Variants in DLGAP2 observed in about 807,000 individuals in gnomAD.
The protein encoded by DLGAP2 is disks large-associated protein 2.
A neutral mutation model predicts 100.3 loss-of-function variants in DLGAP2; 26 were observed. The observed-to-expected ratio is 0.26, with a 90% CI of 0.19 to 0.36. DLGAP2 has a LOEUF of 0.36. Among genes scored for constraint, DLGAP2 ranks in the 10% least tolerant of loss-of-function variants. DLGAP2 has a pLI of 1.00. For missense variants in DLGAP2, 1,858 were observed against 1,453.2 expected (o/e 1.28, Z -4.53); for synonymous variants, 886 against 630.1 (o/e 1.41, Z -6.08).
At chr8:1,489,918 G>A (rs1024497069) in intron 3 of DLGAP2, among the ~76,000 whole-genome samples, 1 of 152,110 alleles carries the variant, frequency 6.6e-6, no homozygotes, top group South Asian at 2.1e-4. Context: ...TTAAGATGGA[G>A]TCTCACTCTG....
At chr8:1,468,072 G>A (rs1355914822) in intron 3 of DLGAP2, among the ~76,000 whole-genome samples, 1 of 152,236 alleles carries the variant, frequency 6.6e-6, no homozygotes, top group Non-Finnish European at 1.5e-5. Flanking sequence ...CCTGTACAGA[G>A]ACACTTTCAG....
At chr8:1,192,659 G>GT (rs1434248738) in intron 2 of DLGAP2, among the ~76,000 whole-genome samples, 1 of 132,186 alleles carries the variant, frequency 7.6e-6, no homozygotes, top group Admixed American at 7.3e-5. Context: ...TATGTATCTG[G>GT]TTTCTTTTTT....
intron 2 of DLGAP2, among the ~76,000 whole-genome samples, chr8:1,084,195 A>T (rs1276298241): frequency 4.6e-5 from 7 of 152,228 alleles, no homozygotes; most frequent in African/African-American, 7.2e-5. Flanking sequence ...TAGTCTGTCA[A>T]ACTACCAAGA....
chr8:1,284,907 T>C (rs933596952), intron 3 of DLGAP2, among the ~76,000 whole-genome samples: 6 of 152,348 alleles, frequency 3.9e-5, no homozygotes, highest in African/African-American at 1.4e-4. Flanking sequence ...ATTCTTGACC[T>C]TCTGTGTTCC....
intron 3 of DLGAP2, among the ~76,000 whole-genome samples, chr8:1,308,478 A>G (rs1422715226): frequency 6.6e-6 from 1 of 152,194 alleles, no homozygotes; most frequent in Non-Finnish European, 1.5e-5. Context: ...AAGACATATA[A>G]AAAACAGGAA....
chr8:1,365,129 C>T (rs559747706), intron 3 of DLGAP2, among the ~76,000 whole-genome samples: 23 of 152,260 alleles, frequency 1.5e-4, no homozygotes, highest in African/African-American at 4.8e-4. Context: ...AGGTCAGGGG[C>T]CTGCAGTCAA....
chr8:1,041,798 C>T (rs1802359749), intron 2 of DLGAP2, among the ~76,000 whole-genome samples: 2 of 151,888 alleles, frequency 1.3e-5, no homozygotes, highest in Admixed American at 6.5e-5. Context: ...CTCCGAGCCC[C>T]TTGTCGTGGG....
intron 2 of DLGAP2, among the ~76,000 whole-genome samples, chr8:1,224,566 C>A (rs1798377744): frequency 6.6e-6 from 1 of 151,984 alleles, no homozygotes; most frequent in African/African-American, 2.4e-5. Flanking sequence ...GAAACTGTAA[C>A]TTTATTATTT....
intron 2 of DLGAP2, among the ~76,000 whole-genome samples, chr8:1,233,729 A>T (rs1304439103): frequency 1.3e-5 from 2 of 152,170 alleles, no homozygotes; most frequent in African/African-American, 4.8e-5. Flanking sequence ...TTTCTGGGAA[A>T]CACGCAGGGC....
chr8:947,695 G>A (rs1270238130), intron 2 of DLGAP2, among the ~76,000 whole-genome samples: 1 of 152,194 alleles, frequency 6.6e-6, no homozygotes, highest in Non-Finnish European at 1.5e-5. Flanking sequence ...CCTGCCCACG[G>A]CTCCGGGAAG....
Position 1,255,906 on chromosome 8 carries a change from TCTC to T in DLGAP2, c.74-2942_74-2940del, listed in dbSNP as rs112582085. 3.3e-5 allele frequency among the ~76,000 whole-genome samples: 4 copies of T among 122,644 alleles called. 1 individual carries two copies. Among genetic ancestry groups the T allele is most frequent in the African/African-American group, 1.1e-4 (3 of 26,324 alleles). 80.5% of individuals were successfully genotyped at this position (122,644 alleles called of 152,430 possible). A position where few individuals can be genotyped will look rare whatever the true frequency, so the allele number is the denominator to read the frequency against. ...CTGCCTGGGTGCTATGTGTGTGTCT[TCTC>T]CTGCCCAGGTGCTGTGTGTGTGTCC... On this transcript the variant is annotated intron_variant, in intron 2 of 14. Coordinates refer to ENST00000637795, the MANE Select transcript of DLGAP2 (RefSeq NM_001346810.2).
chr8:802,100 T>C (rs74838573), intron 1 of DLGAP2, among the ~76,000 whole-genome samples: 2,284 of 36,222 alleles, frequency 0.063, no homozygotes, highest in South Asian at 0.11. Context: ...GCCTGGGGAA[T>C]GGTCCACACA....
At chr8:1,545,839 C>T (rs190398739) in intron 4 of DLGAP2, among the ~76,000 whole-genome samples, 72 of 152,234 alleles carry the variant, frequency 4.7e-4, no homozygotes, top group African/African-American at 1.4e-3. Flanking sequence ...TATGAAGCCA[C>T]ATTCATAACA....
intron 2 of DLGAP2, among the ~76,000 whole-genome samples, chr8:995,492 G>A (rs931474786): frequency 2.6e-5 from 4 of 152,166 alleles, no homozygotes; most frequent in Non-Finnish European, 5.9e-5. Flanking sequence ...CTTATAGTTT[G>A]CATTGCTGGA....
intron 3 of DLGAP2, among the ~76,000 whole-genome samples, chr8:1,304,911 A>G (rs1428018430): frequency 2.0e-5 from 3 of 152,256 alleles, no homozygotes; most frequent in Admixed American, 2.0e-4. Flanking sequence ...ATCATCTGTC[A>G]TTCATGCATA....
At chr8:1,270,822 A>G (rs1350790220) in intron 3 of DLGAP2, among the ~76,000 whole-genome samples, 3 of 144,750 alleles carry the variant, frequency 2.1e-5, no homozygotes, top group East Asian at 2.0e-4. Context: ...GTGTGTGTCT[A>G]CCTCTCTGTG....
chr8:886,266 T>A (rs188683420), intron 1 of DLGAP2, among the ~76,000 whole-genome samples: 22 of 152,362 alleles, frequency 1.4e-4, no homozygotes, highest in African/African-American at 5.0e-4. Context: ...TTCTTCTCTC[T>A]CTTTTTCTTT....
intron 2 of DLGAP2, among the ~76,000 whole-genome samples, chr8:1,037,122 T>C (rs1407766520): frequency 6.6e-6 from 1 of 152,022 alleles, no homozygotes; most frequent in Non-Finnish European, 1.5e-5. Flanking sequence ...CATGGTCACG[T>C]AGAGAGAGAG....
intron 1 of DLGAP2, among the ~76,000 whole-genome samples, chr8:896,626 T>C (rs1798148073): frequency 6.6e-6 from 1 of 152,012 alleles, no homozygotes; most frequent in Non-Finnish European, 1.5e-5. Flanking sequence ...GGCCCCCATG[T>C]TGGTATTCGT....
Sources: allele counts gnomAD v4.1 joint callset (sites outside exome capture counted in the v4.1 genomes callset), GRCh38; gene constraint gnomAD v4.1.1; transcripts MANE v1.5; gene names NCBI Gene and HGNC (gene_info 2026-07-23, HGNC 2026-07-21).